HMGCLL1: variants seen among roughly 807,000 people sequenced by gnomAD.
The protein encoded by HMGCLL1 is 3-hydroxymethyl-3-methylglutaryl-CoA lyase, cytoplasmic.
A neutral mutation model predicts 39.1 loss-of-function variants in HMGCLL1; 36 were observed. The observed-to-expected ratio is 0.92, with a 90% CI of 0.71 to 1.22. The LOEUF is 1.22. HMGCLL1 is among the 50% of genes most tolerant of loss of function. The pLI, the probability that HMGCLL1 is intolerant of heterozygous loss-of-function variation, is 0.00. For missense variants in HMGCLL1, 451 were observed against 416.5 expected (o/e 1.08, Z -0.72); for synonymous variants, 149 against 144.0 (o/e 1.03, Z -0.25).
At chr6:55,507,297 C>T (rs914267862) in intron 5 of HMGCLL1, among the ~76,000 whole-genome samples, 3 of 151,716 alleles carry the variant, frequency 2.0e-5, no homozygotes, top group African/African-American at 4.8e-5. Context: ...ATAATACTAT[C>T]GACAGTTTCA....
chr6:55,627,245 C>T, the HMGCLL1 span, among the ~76,000 whole-genome samples: 1 of 151,818 alleles, frequency 6.6e-6, no homozygotes, highest in Non-Finnish European at 1.5e-5. Context: ...CATGTATACA[C>T]TTGTATTAAG....
At chr6:55,475,746 AT>A (rs1765256386) in intron 7 of HMGCLL1, among the ~76,000 whole-genome samples, 1 of 151,514 alleles carries the variant, frequency 6.6e-6, no homozygotes, top group Admixed American at 6.6e-5. Context: ...CTCTCATGTT[AT>A]TTACTTCTAT....
chr6:55,477,265 TA>T (rs1765409676), intron 7 of HMGCLL1, among the ~76,000 whole-genome samples: 1 of 21,334 alleles, frequency 4.7e-5, no homozygotes, highest in Non-Finnish European at 6.3e-5. Context: ...ATATATATTA[TA>T]TAATATATAT....
intron 5 of HMGCLL1, among the ~76,000 whole-genome samples, chr6:55,506,752 A>G (rs1767185798): frequency 6.6e-6 from 1 of 151,690 alleles, no homozygotes; most frequent in South Asian, 2.1e-4. Context: ...CAAAGCCCAA[A>G]AATAGTGAGG....
At chr6:55,500,829 G>C (rs1012750465) in intron 5 of HMGCLL1, among the ~76,000 whole-genome samples, 1 of 151,952 alleles carries the variant, frequency 6.6e-6, no homozygotes, top group African/African-American at 2.4e-5. Context: ...CAAATGTAAT[G>C]ATTACAATAA....
At chr6:55,522,872 T>C (rs151314046) in intron 3 of HMGCLL1, among the ~76,000 whole-genome samples, 1 of 151,994 alleles carries the variant, frequency 6.6e-6, no homozygotes, top group Non-Finnish European at 1.5e-5. Flanking sequence ...TTTAACTGTG[T>C]GATGGGGTGG....
rs927713717 is a variant in HMGCLL1, at chr6:55,496,681, C to T, written c.607-1074G>A. Among the ~76,000 whole-genome samples, 3 of 151,924 alleles carry T rather than the reference C, an allele frequency of 2.0e-5. No homozygotes were observed. In the Middle Eastern group the frequency reaches 0.01, roughly 517 times the overall value. ...CTCATAGGAAGTGCAACTAGTGATG[C>T]TGGAAGTGCTCCCAAGAAGCAGAAA... is the stretch of plus-strand genomic sequence containing the variant. On this transcript the variant is annotated intron_variant, in intron 6 of 8. Coordinates refer to ENST00000274901, the MANE Select transcript of HMGCLL1 (RefSeq NM_001042406.2).
In HMGCLL1 at chr6:55,439,465, A is replaced by G. The variant is rs2127379972; in HGVS notation, c.890T>C (p.Ile297Thr). 1 of 1,612,788 alleles carries G rather than the reference A, an allele frequency of 6.2e-7. No individual in the cohort carries two copies. The highest frequency in any genetic ancestry group is 1.1e-5 in the South Asian group (1 of 91,026). ...GAGCCCCAGGCCATTAAGCATATAT[A>G]TCAAATCCTCAGTGGCTACATTCCC... ...ASGNVATEDL[I>T]YMLNGLGLNT... The change falls in exon 8 of 9, where the codon ATA (isoleucine) becomes ACA (threonine). Residue 297 changes from isoleucine to threonine, a missense_variant. By Grantham distance (89) the Ile-to-Thr change is moderately conservative (BLOSUM62 -1). Coordinates refer to ENST00000274901, the MANE Select transcript of HMGCLL1 (RefSeq NM_001042406.2).
At chr6:55,543,488 G>A (rs887201782) in intron 1 of HMGCLL1, among the ~76,000 whole-genome samples, 4 of 8,480 alleles carry the variant, frequency 4.7e-4, no homozygotes, top group African/African-American at 1.1e-3. Flanking sequence ...ATATATATAT[G>A]ATATATATCA....
At chr6:55,462,766 G>A (rs1764629932) in intron 7 of HMGCLL1, among the ~76,000 whole-genome samples, 1 of 152,068 alleles carries the variant, frequency 6.6e-6, no homozygotes, top group Admixed American at 6.6e-5. Flanking sequence ...TATGTTGTAG[G>A]TATAACTCAC....
rs1389396325 is a variant in HMGCLL1 at position 55,439,556 on chromosome 6, C to G, written c.799G>C (p.Gly267Arg). 1 of 1,611,500 alleles carries G rather than the reference C, an allele frequency of 6.2e-7. No homozygotes were observed. The highest frequency in any genetic ancestry group is 1.1e-5 in the South Asian group (1 of 90,744). The change falls in exon 8 of 9, where the codon GGA (glycine) becomes CGA (arginine). Residue 267 changes from glycine (G) to arginine (R), a missense_variant. Gly to Arg is a moderately radical substitution (Grantham distance 125). Coordinates refer to ENST00000274901, the MANE Select transcript of HMGCLL1 (RefSeq NM_001042406.2). ...ACTGCGGAGTCCACCACATTAATTC[C>G]CATCTGGAAAACAAACCAAACCACC... ...LANILTALQM[G>R]INVVDSAVSG...
intron 7 of HMGCLL1, among the ~76,000 whole-genome samples, chr6:55,486,927 C>A (rs1766063449): frequency 6.6e-6 from 1 of 152,078 alleles, no homozygotes. Flanking sequence ...ATCTTCTTTC[C>A]TCCTACCATG....
intron 5 of HMGCLL1, 100 bp from the exon 6 acceptor site, chr6:55,499,399 A>AT: frequency 1.2e-6 from 1 of 818,388 alleles, no homozygotes; most frequent in East Asian, 2.7e-5. Context: ...AAGAAAATTT[A>AT]TTTTGCACTA....
At chr6:55,477,216 T>TTTATATAATATATAATATA (rs1554143196) in intron 7 of HMGCLL1, among the ~76,000 whole-genome samples, 1 of 14,268 alleles carries the variant, frequency 7.0e-5, no homozygotes, top group African/African-American at 5.7e-4. Context: ...ATATATTATA[T>TTTATATAATATATAATATA]TATAATATAT....
upstream of HMGCLL1, among the ~76,000 whole-genome samples, chr6:55,582,249 C>A (rs1050440932): frequency 6.6e-6 from 1 of 152,088 alleles, no homozygotes; most frequent in Non-Finnish European, 1.5e-5. Context: ...TTACTTGTTG[C>A]CAAAATTAAA....
At chr6:55,619,854 C>T in the HMGCLL1 span, among the ~76,000 whole-genome samples, 2 of 152,080 alleles carry the variant, frequency 1.3e-5, no homozygotes, top group Admixed American at 1.3e-4. Context: ...CGCTCCACTA[C>T]CCATCCCAGC....
At chr6:55,657,369 A>G in the HMGCLL1 span, among the ~76,000 whole-genome samples, 1 of 151,922 alleles carries the variant, frequency 6.6e-6, no homozygotes, top group Non-Finnish European at 1.5e-5. Context: ...TATTTTTTGT[A>G]TATTATATAA....
At chr6:55,643,101 T>C in the HMGCLL1 span, among the ~76,000 whole-genome samples, 1 of 152,106 alleles carries the variant, frequency 6.6e-6, no homozygotes, top group Non-Finnish European at 1.5e-5. Context: ...GCAATGAACA[T>C]ACACGTACAT....
intron 7 of HMGCLL1, among the ~76,000 whole-genome samples, chr6:55,453,795 G>C (rs910029709): frequency 6.6e-6 from 1 of 152,154 alleles, no homozygotes; most frequent in Non-Finnish European, 1.5e-5. Context: ...GAATAAATTT[G>C]AGATAAATTT....
Sources: gnomAD v4.1 joint callset for allele counts (sites outside exome capture counted in the v4.1 genomes callset) on GRCh38, gnomAD v4.1.1 for gene constraint, MANE v1.5 for transcripts, NCBI Gene and HGNC (gene_info 2026-07-23, HGNC 2026-07-21) for gene names.